The following RIMS2 variants were observed in gnomAD, a reference collection of about 807,000 sequenced individuals.
RIMS2 encodes the protein regulating synaptic membrane exocytosis 2.
A neutral mutation model predicts 174.4 loss-of-function variants in RIMS2; 59 were observed. The observed-to-expected ratio is 0.34, with a 90% CI of 0.27 to 0.42. The LOEUF (loss-of-function observed/expected upper bound fraction) is 0.42, where lower values mean the gene tolerates loss of function less well. RIMS2 is among the 10% of genes least tolerant of loss of function. The probability of loss-of-function intolerance (pLI) is 1.00; values close to 1 mark genes in which losing one functional copy is unlikely to be tolerated. For synonymous variants in RIMS2, 606 were observed against 572.5 expected (o/e 1.06, Z -0.84); for missense variants, 1,620 against 1,666.3 (o/e 0.97, Z 0.48).
intron 1 of RIMS2, among the ~76,000 whole-genome samples, chr8:103,511,100 G>A (rs1047981404): frequency 1.3e-5 from 2 of 152,076 alleles, no homozygotes; most frequent in African/African-American, 4.8e-5. Flanking sequence ...CCGCCAATCT[G>A]CATTCCACTT....
intron 3 of RIMS2, among the ~76,000 whole-genome samples, chr8:103,786,745 C>G (rs915412058): frequency 6.6e-6 from 1 of 152,104 alleles, no homozygotes; most frequent in Non-Finnish European, 1.5e-5. Flanking sequence ...AATGTATATT[C>G]TGTTGATTTG....
intron 2 of RIMS2, among the ~76,000 whole-genome samples, chr8:103,757,008 T>TGA (rs1366398161): frequency 8.1e-5 from 10 of 123,230 alleles, no homozygotes; most frequent in South Asian, 5.1e-4. Context: ...TGTGTGTGTG[T>TGA]GTGAGAGAGA....
At chr8:103,902,926 C>A (rs1372219525) in intron 4 of RIMS2, among the ~76,000 whole-genome samples, 1 of 152,132 alleles carries the variant, frequency 6.6e-6, no homozygotes, top group East Asian at 1.9e-4. Flanking sequence ...TAACATTTTG[C>A]AGAACCAGTA....
intron 12 of RIMS2, among the ~76,000 whole-genome samples, chr8:103,936,295 C>A (rs2081235930): frequency 6.6e-6 from 1 of 152,010 alleles, no homozygotes; most frequent in Non-Finnish European, 1.5e-5. Context: ...GAGAAATATT[C>A]AGTTTTCAAT....
chr8:104,010,396 C>A (rs938212183), intron 17 of RIMS2, among the ~76,000 whole-genome samples: 5 of 152,144 alleles, frequency 3.3e-5, no homozygotes, highest in Admixed American at 1.3e-4. Context: ...AAGACAAAGG[C>A]CTTCTAAGTT....
intron 19 of RIMS2, among the ~76,000 whole-genome samples, chr8:104,162,390 CA>C (rs2098768305): frequency 6.6e-6 from 1 of 152,002 alleles, no homozygotes; most frequent in South Asian, 2.1e-4. Context: ...AAGAATTTAT[CA>C]GTCATTAAAA....
intron 19 of RIMS2, among the ~76,000 whole-genome samples, chr8:104,040,706 T>C (rs1388869178): frequency 1.3e-5 from 2 of 151,782 alleles, no homozygotes; most frequent in African/African-American, 4.8e-5. Context: ...CAGCTACTCT[T>C]CTAGTAAAGA....
At chr8:103,766,004 G>C (rs1391701728) in intron 2 of RIMS2, among the ~76,000 whole-genome samples, 1 of 151,688 alleles carries the variant, frequency 6.6e-6, no homozygotes, top group African/African-American at 2.4e-5. Flanking sequence ...ACTCTAGTTT[G>C]CTATCTCTGT....
intron 1 of RIMS2, among the ~76,000 whole-genome samples, 154 bp downstream of exon 3, chr8:103,652,864 T>C (rs1175215783): frequency 1.3e-5 from 2 of 152,082 alleles, no homozygotes; most frequent in Non-Finnish European, 2.9e-5. Context: ...TGAAAATCTA[T>C]AAAGAAGGCA....
chr8:104,131,811 G>T (rs893674941), intron 19 of RIMS2, among the ~76,000 whole-genome samples: 6 of 152,152 alleles, frequency 3.9e-5, no homozygotes, highest in African/African-American at 1.4e-4. Flanking sequence ...GAGGATTGGG[G>T]TTTATTGGGG....
intron 3 of RIMS2, among the ~76,000 whole-genome samples, chr8:103,842,893 C>T (rs762464338): frequency 1.3e-5 from 2 of 152,198 alleles, no homozygotes; most frequent in African/African-American, 4.8e-5. Context: ...GGTTTGGTTT[C>T]TTCTGAAGCC....
At chr8:103,850,243 A>G (rs2098990244) in intron 3 of RIMS2, among the ~76,000 whole-genome samples, 1 of 151,890 alleles carries the variant, frequency 6.6e-6, no homozygotes, top group South Asian at 2.1e-4. Context: ...ACACAAATAG[A>G]AAAATTTCCA....
At chr8:104,173,880 T>G (rs2098848037) in intron 19 of RIMS2, among the ~76,000 whole-genome samples, 1 of 151,228 alleles carries the variant, frequency 6.6e-6, no homozygotes. Flanking sequence ...TTCTAGGACT[T>G]AAGAGTTTCA....
intron 1 of RIMS2, among the ~76,000 whole-genome samples, chr8:103,553,080 G>A (rs527400221): frequency 1.3e-5 from 2 of 152,222 alleles, no homozygotes; most frequent in Admixed American, 1.3e-4. Flanking sequence ...GTTTGACCCA[G>A]CCATCCTATT....
At chr8:103,745,001 G>T (rs531449582) in intron 2 of RIMS2, among the ~76,000 whole-genome samples, 1 of 152,136 alleles carries the variant, frequency 6.6e-6, no homozygotes, top group Non-Finnish European at 1.5e-5. Context: ...TTCTGTAGAA[G>T]AGCTACATTA....
chr8:104,203,536 C>T (rs1427691394), intron 19 of RIMS2, among the ~76,000 whole-genome samples: 1 of 136,938 alleles, frequency 7.3e-6, no homozygotes, highest in Admixed American at 8.1e-5. Flanking sequence ...TGGAGCCTCG[C>T]TCTGTCACCC....
chr8:103,842,036 A>C (rs2098943092), intron 3 of RIMS2, among the ~76,000 whole-genome samples: 1 of 152,208 alleles, frequency 6.6e-6, no homozygotes, highest in Non-Finnish European at 1.5e-5. Context: ...CATTACTTCT[A>C]GTGCAACTAT....
At chr8:103,891,515 G>A (rs1475830759) in intron 4 of RIMS2, among the ~76,000 whole-genome samples, 1 of 151,954 alleles carries the variant, frequency 6.6e-6, no homozygotes, top group Non-Finnish European at 1.5e-5. Context: ...TCAACCATTT[G>A]CCCAACTGCA....
chr8:104,171,050 G>A (rs2098829326), intron 19 of RIMS2, among the ~76,000 whole-genome samples: 1 of 151,994 alleles, frequency 6.6e-6, no homozygotes, highest in African/African-American at 2.4e-5. Context: ...TTCCTTTATA[G>A]GTTACCTGAT....
Sources: gnomAD v4.1 joint callset for allele counts (sites outside exome capture counted in the v4.1 genomes callset) on GRCh38, gnomAD v4.1.1 for gene constraint, MANE v1.5 for transcripts, NCBI Gene and HGNC (gene_info 2026-07-23, HGNC 2026-07-21) for gene names.